Variants in MROH2B observed in about 807,000 individuals in gnomAD.
MROH2B encodes the protein maestro heat like repeat family member 2B.
A neutral mutation model predicts 208.6 loss-of-function variants in MROH2B; 177 were observed. The observed-to-expected ratio is 0.85, with a 90% confidence interval of 0.75 to 0.96. MROH2B has a LOEUF of 0.96. Among genes scored for constraint, MROH2B ranks in the 40% least tolerant of loss-of-function variants. The pLI is 0.00. For synonymous variants in MROH2B, 728 were observed against 659.0 expected, an observed-to-expected ratio of 1.10 and a Z score of -1.60; for missense variants, 2,002 against 1,878.7, an observed-to-expected ratio of 1.07 and a Z score of -1.21.
intron 24 of MROH2B, among the ~76,000 whole-genome samples, chr5:41,022,602 C>T (rs1050553054): frequency 2.6e-5 from 4 of 152,206 alleles, no homozygotes; most frequent in Non-Finnish European, 5.9e-5. Context: ...CTGCCTGCCT[C>T]TGCAGACTCC....
Position 41,008,689 on chromosome 5 carries a change from G to T in MROH2B, c.3525C>A (p.Gly1175=). 1 of 1,613,886 alleles carries T rather than the reference G, an allele frequency of 6.2e-7. No individual in the cohort carries two copies. The highest frequency in any genetic ancestry group is 8.5e-7 in the Non-Finnish European group (1 of 1,179,848). ...LLLKLVSCTL[G]QKMLTCPWSH... ...TCCAGGGACAAGTGAGCATCTTCTG[G>T]CCCAGTGTGCAGCTAACCAGCTTCA... The change falls in exon 33 of 42, where the codon GGC becomes GGA. Residue 1175 remains glycine, a synonymous_variant. Coordinates refer to ENST00000399564, the MANE Select transcript of MROH2B (RefSeq NM_173489.5).
chr5:41,034,092 G>C, intron 21 of MROH2B: 1 of 983,924 alleles, frequency 1.0e-6, no homozygotes, highest in Non-Finnish European at 1.2e-6. Context: ...TCATGAGTAA[G>C]CTGCAGAAGG....
At chr5:41,028,202 C>T (rs1234939400) in intron 24 of MROH2B, among the ~76,000 whole-genome samples, 6 of 151,928 alleles carry the variant, frequency 3.9e-5, no homozygotes, top group African/African-American at 1.2e-4. Context: ...AAAAGATATA[C>T]GTAGTAAAAG....
rs561034199 is a variant in MROH2B, at chr5:41,021,753, T to G, written c.2442-2735A>C. 6.8e-4 allele frequency among the ~76,000 whole-genome samples: 103 copies of G among 152,194 alleles called. No homozygotes were observed. In the Middle Eastern group the frequency reaches 0.017, roughly 25 times the overall value. On this transcript the variant is annotated intron_variant, in intron 24 of 41. Coordinates refer to ENST00000399564, the MANE Select transcript of MROH2B (RefSeq NM_173489.5). Reference sequence around the variant, plus strand: ...TGAGCTGGGCGTGGTGGTGCTCACCTGTGGTCCCAGATACTTGGGAAGCTG... The same window carrying G: ...TGAGCTGGGCGTGGTGGTGCTCACCGGTGGTCCCAGATACTTGGGAAGCTG...
intron 11 of MROH2B, among the ~76,000 whole-genome samples, chr5:41,053,964 A>G (rs1328644916): frequency 1.3e-5 from 2 of 152,078 alleles, no homozygotes; most frequent in Admixed American, 1.3e-4. Flanking sequence ...TATAAGTTCT[A>G]TAACTTCTAA....
chr5:41,028,205 A>G (rs1314869020), intron 24 of MROH2B, among the ~76,000 whole-genome samples: 2 of 152,308 alleles, frequency 1.3e-5, no homozygotes, highest in South Asian at 2.1e-4. Context: ...AGATATACGT[A>G]GTAAAAGGTT....
intron 11 of MROH2B, among the ~76,000 whole-genome samples, 197 bp downstream of exon 11, chr5:41,054,570 C>T (rs891806745): frequency 6.6e-6 from 1 of 152,134 alleles, no homozygotes; most frequent in Non-Finnish European, 1.5e-5. Flanking sequence ...TTCACTGAGA[C>T]GTCCTTTAGC....
chr5:41,004,198 C>G, intron 37 of MROH2B, 148 bp downstream of exon 37: 1 of 833,688 alleles, frequency 1.2e-6, no homozygotes, highest in East Asian at 2.5e-5. Context: ...AAGCCAACAG[C>G]TTGTATAGAG....
intron 21 of MROH2B, among the ~76,000 whole-genome samples, chr5:41,037,224 A>C (rs1742795139): frequency 1.3e-5 from 2 of 152,132 alleles, no homozygotes; most frequent in Admixed American, 1.3e-4. Flanking sequence ...CTTTGGCCTC[A>C]TGAAGTGCTG....
rs574916970 is a variant in MROH2B, at chr5:41,018,576, G to A, written c.2673+115C>T. The A allele has an allele frequency of 1.1e-4, 149 of 1,412,740 alleles. No homozygotes were observed. The African/African-American group carries it at 1.4e-3, about 13-fold the overall frequency. 87.5% of individuals were successfully genotyped at this position (1,412,740 alleles called of 1,614,324 possible). Reference sequence around the variant, plus strand: ...TTAAGTAGATGGCTGTATGTGGGGTGTGGGTGGGTCCAGCTGGATGTCTTC... The same window carrying A: ...TTAAGTAGATGGCTGTATGTGGGGTATGGGTGGGTCCAGCTGGATGTCTTC... On this transcript the variant is annotated intron_variant, in intron 26 of 41. Transcript: ENST00000399564.
At chr5:41,033,709 T>C (rs1579933390) in intron 22 of MROH2B, 129 bp downstream of exon 22, 1 of 734,570 alleles carries the variant, frequency 1.4e-6, no homozygotes, top group Non-Finnish European at 2.2e-6. Context: ...AATTGGATTG[T>C]TACATGTTGG....
chr5:41,067,148 C>G lies in MROH2B; in HGVS notation c.161G>C (p.Arg54Pro), dbSNP rs1230632961. ...ATCCTTAGAAGCATAATAAATCAATCGTTGGACAATTGCATCATCCAAGAT... is the reference window on the plus strand; with the variant it reads ...ATCCTTAGAAGCATAATAAATCAATGGTTGGACAATTGCATCATCCAAGAT... Reference protein sequence around the residue: ...TDILDDAIVQRLIYYASKDMR... With the variant: ...TDILDDAIVQPLIYYASKDMR... Residue 54 changes from arginine to proline, a missense_variant, in exon 3 of 42, where the codon CGA (arginine) becomes CCA (proline). Physicochemically the swap from Arg to Pro is moderately radical, Grantham distance 103 (BLOSUM62 -2). Coordinates refer to ENST00000399564, the MANE Select transcript of MROH2B (RefSeq NM_173489.5). 3 of 1,555,488 alleles carry G rather than the reference C, an allele frequency of 1.9e-6. No homozygotes were observed. Among genetic ancestry groups the G allele is most frequent in the African/African-American group, 2.7e-5 (2 of 73,494 alleles).
chr5:41,052,362 T>C, intron 12 of MROH2B, 103 bp downstream of exon 12: 2 of 1,135,830 alleles, frequency 1.8e-6, no homozygotes, highest in Non-Finnish European at 2.3e-6. Context: ...TTTACTCTAC[T>C]CCTGTGACAG....
Position 41,021,042 on chromosome 5 carries a change from C to T in MROH2B, c.2442-2024G>A, listed in dbSNP as rs1041896435. Among the ~76,000 whole-genome samples the T allele has an allele frequency of 3.9e-5, 6 of 152,096 alleles. No homozygotes were observed. The East Asian group carries it at 1.2e-3, about 29-fold the overall frequency. On this transcript the variant is annotated intron_variant, in intron 24 of 41. Coordinates refer to ENST00000399564, the MANE Select transcript of MROH2B (RefSeq NM_173489.5). ...AATGACACAGTCTTATATGTAGGAG[C>T]TCTAATGACTCTACCAAAAAACTGT...
intron 9 of MROH2B, among the ~76,000 whole-genome samples, chr5:41,056,375 G>T (rs181665617): frequency 1.3e-5 from 2 of 152,254 alleles, no homozygotes; most frequent in East Asian, 3.9e-4. Flanking sequence ...GGGTCGGGGA[G>T]AAGAAGAAAG....
At chr5:41,067,610 C>T (rs1743852472) in intron 2 of MROH2B, among the ~76,000 whole-genome samples, 1 of 152,120 alleles carries the variant, frequency 6.6e-6, no homozygotes, top group Non-Finnish European at 1.5e-5. Context: ...TCAGGTGATC[C>T]ACTTGCCTCG....
rs766591841 is a variant in MROH2B at position 41,004,303 on chromosome 5, C to T, written c.4194+43G>A. ...AGCACTACCTAAACCTGTTTCTGTT[C>T]ACTCACTTCTGGGGAGGGAAGTTCC... On this transcript the variant is annotated intron_variant, in intron 37 of 41. Coordinates refer to ENST00000399564, the MANE Select transcript of MROH2B (RefSeq NM_173489.5). 10 of 1,586,650 alleles carry T rather than the reference C, an allele frequency of 6.3e-6. No individual in the cohort carries two copies. The Admixed American group carries it at 1.1e-4, about 17-fold the overall frequency.
rs187605755 is a variant in MROH2B at position 41,059,327 on chromosome 5, A to G, written c.616-1124T>C. ...GTAGAAATCACAAATGTTATGTTGA[A>G]GAAAACATAATACACATAGGACCCA... On this transcript the variant is annotated intron_variant, in intron 6 of 41. Transcript: ENST00000399564. Among the ~76,000 whole-genome samples the G allele has an allele frequency of 3.8e-4, 58 of 152,344 alleles. 1 individual carries two copies. The highest frequency in any genetic ancestry group is 3.5e-3 in the Admixed American group (54 of 15,300).
chr5:41,018,761 G>T lies in MROH2B; in HGVS notation c.2603C>A (p.Ala868Asp), dbSNP rs1742042862. ...CATGGTCTTCAGAAGTTTTCCTAGGGCGTCCATGGATCGTTCATAGAGAAA... is the reference window on the plus strand; with the variant it reads ...CATGGTCTTCAGAAGTTTTCCTAGGTCGTCCATGGATCGTTCATAGAGAAA... ...IQFLYERSMD[A>D]LGKLLKTMMW... Residue 868 changes from alanine to aspartate, a missense_variant, in exon 26 of 42, where the codon GCC (alanine) becomes GAC (aspartate). Ala to Asp is a moderately radical substitution (Grantham distance 126). Coordinates refer to ENST00000399564, the MANE Select transcript of MROH2B (RefSeq NM_173489.5). 1 of 1,613,818 alleles carries T rather than the reference G, an allele frequency of 6.2e-7. No individual in the cohort carries two copies. The highest frequency in any genetic ancestry group is 8.5e-7 in the Non-Finnish European group (1 of 1,179,844).
Sources: gnomAD v4.1 joint callset for allele counts (sites outside exome capture counted in the v4.1 genomes callset) on GRCh38, gnomAD v4.1.1 for gene constraint, MANE v1.5 for transcripts, NCBI Gene and HGNC (gene_info 2026-07-23, HGNC 2026-07-21) for gene names.